The following NDUFA5 variants were observed in gnomAD, a reference collection of about 807,000 sequenced individuals.
NDUFA5 encodes NADH dehydrogenase [ubiquinone] 1 alpha subcomplex subunit 5.
NDUFA5 carries 11 observed loss-of-function variants against 19.8 expected under a neutral mutation model. The observed-to-expected ratio is 0.56, with a 90% CI of 0.35 to 0.92. The LOEUF (loss-of-function observed/expected upper bound fraction) is 0.92, where lower values mean the gene tolerates loss of function less well. Among genes scored for constraint, NDUFA5 ranks in the 40% least tolerant of loss-of-function variants. NDUFA5 has a pLI of 0.01. For synonymous variants in NDUFA5, 47 were observed against 46.8 expected (o/e 1.00, Z -0.01); for missense variants, 109 against 134.2 (o/e 0.81, Z 0.93).
chr7:123,598,925 G>A, the NDUFA5 span: 1 of 152,120 alleles, frequency 6.6e-6, no homozygotes, highest in South Asian at 2.1e-4. Context: ...CATGTTTTCA[G>A]TTGTTTGATT....
the NDUFA5 span, among the ~76,000 whole-genome samples, chr7:123,575,428 A>G: frequency 2.0e-5 from 3 of 152,088 alleles, no homozygotes; most frequent in African/African-American, 7.2e-5. Context: ...GATATTCCAC[A>G]TGAGGCAATC....
intron 3 of NDUFA5, chr7:123,549,982 T>C (rs1798272962): frequency 6.5e-6 from 1 of 153,346 alleles, no homozygotes; most frequent in Non-Finnish European, 1.5e-5. Context: ...CATTTAATGA[T>C]TGCTAGTGTG....
At chr7:123,559,871 A>G (rs1231532387), upstream of NDUFA5, among the ~76,000 whole-genome samples, 1 of 151,328 alleles carries the variant, frequency 6.6e-6, no homozygotes, top group Non-Finnish European at 1.5e-5. Context: ...AAAAAAAAAA[A>G]AAAAGGAAAG....
At position 123,539,344 on chromosome 7, in the gene NDUFA5, CAAAGGAAAGA is replaced by C. The variant is rs984952716; in HGVS notation, c.*2765_*2774del. The C allele has an allele frequency of 5.3e-5, 8 of 152,124 alleles. No homozygotes were observed. Among genetic ancestry groups the C allele is most frequent in the Non-Finnish European group, 8.8e-5 (6 of 68,022 alleles). 9.4% of individuals were successfully genotyped at this position (152,124 alleles called of 1,614,324 possible). On this transcript the variant is annotated 3_prime_UTR_variant, in exon 5 of 5. Transcript: ENST00000355749. ...TCCTAAATATAAGCCATTTTCATCC[CAAAGGAAAGA>C]ATGCCAAGAAATTGGAATCGTCTGC...
intron 2 of NDUFA5, chr7:123,556,209 GAGC>G (rs1562899336): frequency 6.6e-6 from 1 of 152,192 alleles, no homozygotes; most frequent in Non-Finnish European, 1.5e-5. Context: ...ACTGAGAGAA[GAGC>G]AGGTTTTAGG....
the NDUFA5 span, among the ~76,000 whole-genome samples, chr7:123,578,198 A>G: frequency 6.7e-6 from 1 of 150,250 alleles, no homozygotes; most frequent in Non-Finnish European, 1.5e-5. Context: ...ATACTAGATC[A>G]TCTATTACTG....
At chr7:123,598,324 C>A in the NDUFA5 span, among the ~76,000 whole-genome samples, 1 of 152,104 alleles carries the variant, frequency 6.6e-6, no homozygotes, top group Non-Finnish European at 1.5e-5. Flanking sequence ...TGTTATTACA[C>A]AGTAGGAAAC....
At chr7:123,588,921 T>C in the NDUFA5 span, among the ~76,000 whole-genome samples, 1 of 151,974 alleles carries the variant, frequency 6.6e-6, no homozygotes, top group East Asian at 1.9e-4. Flanking sequence ...ACCATTGTGG[T>C]TGGAAAAGAT....
rs75866099 is a variant in NDUFA5 at position 123,545,469 on chromosome 7, G to A, written c.249+142C>T. The A allele has an allele frequency of 2.4e-3, 1,532 of 649,570 alleles. 29 individuals carry two copies. The East Asian group carries it at 0.04, about 17-fold the overall frequency. 40.2% of individuals were successfully genotyped at this position (649,570 alleles called of 1,614,324 possible). On this transcript the variant is annotated intron_variant, in intron 4 of 4. Transcript: ENST00000355749. The stretch of plus-strand genomic sequence containing the variant: ...ACTATAATCAACATACACATGAGAA[G>A]CACCACATTTTCTATATGTGATTAG...
chr7:123,556,604 T>C (rs1798552723), intron 2 of NDUFA5: 1 of 242,962 alleles, frequency 4.1e-6, no homozygotes, highest in African/African-American at 2.5e-5. Flanking sequence ...GTGTCAAATG[T>C]GTCAAAAAAA....
At position 123,557,431 on chromosome 7, in the gene NDUFA5, T is replaced by C. The variant is rs769248512; in HGVS notation, c.39A>G (p.Gly13=). ...GVLKKTTGLV[G]LAVCNTPHER... ...CGTGAGGAGTATTGCACACAGCCAA[T>C]CCCACAAGGCCAGTGGTCTGTTCAA... Residue 13 remains glycine, a synonymous_variant, in exon 2 of 5, where the codon GGA becomes GGG. Transcript: ENST00000355749. The C allele has an allele frequency of 1.3e-5, 21 of 1,613,040 alleles. No individual in the cohort carries two copies. The highest frequency in any genetic ancestry group is 3.3e-5 in the Admixed American group (2 of 59,868).
At chr7:123,544,506 A>C (rs1385271608) in intron 4 of NDUFA5, among the ~76,000 whole-genome samples, 2 of 151,248 alleles carry the variant, frequency 1.3e-5, no homozygotes, top group Non-Finnish European at 2.9e-5. Flanking sequence ...CTCAAAAAAA[A>C]AAAAAAAAAA....
the NDUFA5 span, among the ~76,000 whole-genome samples, chr7:123,597,400 ATTG>A: frequency 6.6e-6 from 1 of 152,198 alleles, no homozygotes; most frequent in South Asian, 2.1e-4. Context: ...CATTATTAGT[ATTG>A]TTGTTAATTG....
At chr7:123,543,641 T>C (rs553176429) in intron 4 of NDUFA5, among the ~76,000 whole-genome samples, 2 of 152,270 alleles carry the variant, frequency 1.3e-5, no homozygotes, top group South Asian at 2.1e-4. Context: ...ATACTGACCA[T>C]GAAAACATGG....
chr7:123,592,379 G>A, the NDUFA5 span, among the ~76,000 whole-genome samples: 13 of 151,952 alleles, frequency 8.6e-5, no homozygotes, highest in African/African-American at 3.1e-4. Context: ...GTGATGTTAG[G>A]GTGATTATTT....
chr7:123,596,181 T>C, the NDUFA5 span, among the ~76,000 whole-genome samples: 1 of 151,810 alleles, frequency 6.6e-6, no homozygotes, highest in Non-Finnish European at 1.5e-5. Flanking sequence ...AAAAAAAAAT[T>C]GGGGGGAGGC....
intron 2 of NDUFA5, chr7:123,556,070 A>C (rs2116196232): frequency 6.6e-6 from 1 of 152,360 alleles, no homozygotes; most frequent in East Asian, 1.9e-4. Flanking sequence ...ATATATTTTG[A>C]AGGTGGAACC....
the NDUFA5 span, among the ~76,000 whole-genome samples, chr7:123,582,514 C>T: frequency 6.6e-6 from 1 of 152,002 alleles, no homozygotes; most frequent in Non-Finnish European, 1.5e-5. Flanking sequence ...TTACCTAAAG[C>T]TCCTGCTCAT....
the NDUFA5 span, among the ~76,000 whole-genome samples, chr7:123,596,770 C>T: frequency 7.9e-5 from 12 of 152,118 alleles, no homozygotes; most frequent in African/African-American, 2.2e-4. Flanking sequence ...AATGTCATTA[C>T]GCATTAGCAA....
Sources: gnomAD v4.1 joint callset for allele counts (sites outside exome capture counted in the v4.1 genomes callset) on GRCh38, gnomAD v4.1.1 for gene constraint, MANE v1.5 for transcripts, NCBI Gene and HGNC (gene_info 2026-07-23, HGNC 2026-07-21) for gene names.